The following CTNNA2 variants were observed in gnomAD, a reference collection of about 807,000 sequenced individuals.
CTNNA2 encodes catenin alpha 2.
Under a neutral mutation model 101.0 loss-of-function variants are expected in CTNNA2, and 42 were observed. That is an observed-to-expected ratio of 0.42 (90% CI 0.32 to 0.54). The LOEUF is 0.54. Ranked by LOEUF, CTNNA2 falls within the 20% of genes least tolerant of loss-of-function variation. CTNNA2 has a pLI of 0.14. For missense variants in CTNNA2, 871 were observed against 1,223.1 expected, an observed-to-expected ratio of 0.71 and a Z score of 4.29; for synonymous variants, 450 against 456.4, an observed-to-expected ratio of 0.99 and a Z score of 0.18.
intron 3 of CTNNA2, among the ~76,000 whole-genome samples, chr2:79,753,839 G>T (rs553946731): frequency 6.7e-6 from 1 of 150,118 alleles, no homozygotes; most frequent in African/African-American, 2.4e-5. Context: ...ATATCAACAA[G>T]TTCCACTATT....
intron 7 of CTNNA2, among the ~76,000 whole-genome samples, chr2:80,009,849 T>C (rs1057382647): frequency 3.3e-5 from 5 of 152,074 alleles, no homozygotes; most frequent in African/African-American, 4.8e-5. Context: ...CTACGTTGGA[T>C]AGTTGGAAAC....
At chr2:80,190,979 G>A (rs568227770) in intron 7 of CTNNA2, among the ~76,000 whole-genome samples, 4 of 152,124 alleles carry the variant, frequency 2.6e-5, no homozygotes, top group Non-Finnish European at 5.9e-5. Context: ...TTGTTCCACC[G>A]CCTTTAAAAT....
intron 6 of CTNNA2, among the ~76,000 whole-genome samples, chr2:79,889,326 AT>A (rs1344603963): frequency 1.3e-5 from 2 of 152,144 alleles, no homozygotes; most frequent in Non-Finnish European, 2.9e-5. Context: ...CCCATTCTTT[AT>A]TTCCCCAAAT....
intron 17 of CTNNA2, among the ~76,000 whole-genome samples, chr2:80,610,369 C>G (rs1019057882): frequency 2.0e-5 from 3 of 151,626 alleles, no homozygotes; most frequent in Non-Finnish European, 4.4e-5. Flanking sequence ...TGTGAGACCC[C>G]ATACACACAC....
At chr2:79,617,623 A>T (rs1000149640) in intron 1 of CTNNA2, among the ~76,000 whole-genome samples, 2 of 152,062 alleles carry the variant, frequency 1.3e-5, no homozygotes, top group African/African-American at 2.4e-5. Context: ...TGCTTTATGA[A>T]TTTTTTTCAT....
intron 7 of CTNNA2, among the ~76,000 whole-genome samples, chr2:80,357,217 A>C (rs1272009129): frequency 6.7e-6 from 1 of 150,312 alleles, no homozygotes; most frequent in Non-Finnish European, 1.5e-5. Context: ...GCCAGGAGGC[A>C]TTCAAAATAG....
chr2:79,776,091 A>G (rs1038477577), intron 3 of CTNNA2, among the ~76,000 whole-genome samples: 1 of 152,192 alleles, frequency 6.6e-6, no homozygotes, highest in Non-Finnish European at 1.5e-5. Context: ...CATTTATTCA[A>G]ACAGACAGCA....
chr2:80,231,679 C>T (rs1709220148), intron 7 of CTNNA2, among the ~76,000 whole-genome samples: 1 of 152,108 alleles, frequency 6.6e-6, no homozygotes, highest in Non-Finnish European at 1.5e-5. Flanking sequence ...CTCTTTGTGG[C>T]AATAAGATCC....
At chr2:80,324,611 T>C (rs1212404350) in intron 7 of CTNNA2, among the ~76,000 whole-genome samples, 4 of 152,186 alleles carry the variant, frequency 2.6e-5, no homozygotes, top group Non-Finnish European at 4.4e-5. Context: ...GGAGACTGAT[T>C]TACATGAAAA....
intron 9 of CTNNA2, among the ~76,000 whole-genome samples, chr2:80,436,442 G>T (rs566005370): frequency 6.6e-6 from 1 of 151,826 alleles, no homozygotes; most frequent in Non-Finnish European, 1.5e-5. Context: ...GAGATGCTCT[G>T]GGGGGTGGTG....
At chr2:79,210,271 C>G (rs2104198844) in intron 2 of CTNNA2, among the ~76,000 whole-genome samples, 1 of 151,428 alleles carries the variant, frequency 6.6e-6, no homozygotes, top group East Asian at 1.9e-4. Flanking sequence ...CTTAAAAAGA[C>G]AAGGATTTGA....
intron 9 of CTNNA2, among the ~76,000 whole-genome samples, chr2:80,508,264 A>C (rs951423785): frequency 6.6e-6 from 1 of 152,166 alleles, no homozygotes; most frequent in Non-Finnish European, 1.5e-5. Context: ...ACTTGAGGCC[A>C]GGAGTTCAAC....
intron 17 of CTNNA2, among the ~76,000 whole-genome samples, chr2:80,611,672 T>A (rs570215257): frequency 1.3e-5 from 2 of 151,542 alleles, no homozygotes; most frequent in Non-Finnish European, 3.0e-5. Context: ...ACCTTTAATA[T>A]TTTTTAGCTA....
intron 7 of CTNNA2, among the ~76,000 whole-genome samples, chr2:79,999,404 C>T (rs1172061869): frequency 1.3e-5 from 2 of 152,196 alleles, no homozygotes; most frequent in Non-Finnish European, 2.9e-5. Context: ...TGAGTATCCC[C>T]CACTGCCCAC....
intron 14 of CTNNA2, among the ~76,000 whole-genome samples, chr2:80,584,820 ATGCT>A (rs993633508): frequency 6.6e-6 from 1 of 152,152 alleles, no homozygotes; most frequent in Non-Finnish European, 1.5e-5. Flanking sequence ...AATGGTGATG[ATGCT>A]TGTGGCTTGA....
At position 79,298,566 on chromosome 2, in the gene CTNNA2, C is replaced by T. The variant is rs557611034; in HGVS notation, c.-405-14143C>T. ...ATCTCAACCTCTCTTCAGGAGTCTC[C>T]TTCCTGCTCTTCTTTAATTAAATTC... On this transcript the variant is annotated intron_variant, in intron 2 of 21. Transcript: ENST00000466387. Among the ~76,000 whole-genome samples the T allele has an allele frequency of 1.1e-4, 16 of 152,282 alleles. No individual in the cohort carries two copies. In the South Asian group the frequency reaches 3.3e-3, roughly 32 times the overall value.
rs367894979 is a variant in CTNNA2 at position 80,527,160 on chromosome 2, G to A, written c.1291-17822G>A. 1.1e-4 allele frequency among the ~76,000 whole-genome samples: 16 copies of A among 152,308 alleles called. 1 individual carries two copies. The East Asian group carries it at 3.1e-3, about 29-fold the overall frequency. ...TAATTAGGACTTTCTAATTAAAAGT[G>A]TCAGAAAAAATTCTCAGATAACTCA... On this transcript the variant is annotated intron_variant, in intron 9 of 18. Transcript: ENST00000402739.
intron 7 of CTNNA2, among the ~76,000 whole-genome samples, chr2:80,142,589 CTG>C (rs1277794066): frequency 6.6e-5 from 10 of 152,168 alleles, no homozygotes; most frequent in Admixed American, 6.5e-4. Flanking sequence ...CTGAAATACC[CTG>C]TGTGTAGCTG....
intron 7 of CTNNA2, among the ~76,000 whole-genome samples, chr2:80,072,087 C>T (rs1159163303): frequency 6.6e-6 from 1 of 152,144 alleles, no homozygotes; most frequent in Non-Finnish European, 1.5e-5. Flanking sequence ...GAGAGCTCCA[C>T]AAATTCTCAA....
Sources: gnomAD v4.1 joint callset for allele counts (sites outside exome capture counted in the v4.1 genomes callset) on GRCh38, gnomAD v4.1.1 for gene constraint, MANE v1.5 for transcripts, NCBI Gene and HGNC (gene_info 2026-07-23, HGNC 2026-07-21) for gene names.